Variants in CSMD1 observed in about 807,000 individuals in gnomAD.
CSMD1 encodes CUB and sushi domain-containing protein 1.
A neutral mutation model predicts 417.5 loss-of-function variants in CSMD1; 213 were observed. The ratio of observed to expected loss-of-function variants is 0.51; its 90% CI spans 0.46 to 0.57. The LOEUF (loss-of-function observed/expected upper bound fraction) is 0.57. CSMD1 is among the 20% of genes least tolerant of loss of function. The probability of loss-of-function intolerance (pLI) is 0.00; values close to 1 mark genes in which losing one functional copy is unlikely to be tolerated. For synonymous variants in CSMD1, 2,862 were observed against 1,736.8 expected, an observed-to-expected ratio of 1.65 and a Z score of -16.11; for missense variants, 6,923 against 4,529.7, an observed-to-expected ratio of 1.53 and a Z score of -15.17.
chr8:3,578,435 G>C (rs984027421), intron 9 of CSMD1, among the ~76,000 whole-genome samples: 3 of 152,156 alleles, frequency 2.0e-5, no homozygotes, highest in Non-Finnish European at 2.9e-5. Flanking sequence ...AATGGGTGTC[G>C]AGAAAATCTC....
intron 2 of CSMD1, among the ~76,000 whole-genome samples, chr8:4,604,762 T>G (rs983923733): frequency 6.6e-6 from 1 of 152,178 alleles, no homozygotes; most frequent in African/African-American, 2.4e-5. Context: ...GCAGTTAATT[T>G]TGTAAAATTT....
intron 2 of CSMD1, among the ~76,000 whole-genome samples, chr8:4,634,660 T>A (rs921700788): frequency 6.6e-6 from 1 of 152,200 alleles, no homozygotes; most frequent in African/African-American, 2.4e-5. Flanking sequence ...TAATTGCGTT[T>A]GAGAAATAAA....
chr8:4,702,256 A>T (rs980865469), intron 1 of CSMD1, among the ~76,000 whole-genome samples: 5 of 152,144 alleles, frequency 3.3e-5, no homozygotes, highest in African/African-American at 1.2e-4. Flanking sequence ...AATAACTTAA[A>T]ATAAAAATAA....
At chr8:3,449,180 A>G (rs1185900197) in intron 12 of CSMD1, among the ~76,000 whole-genome samples, 3 of 152,168 alleles carry the variant, frequency 2.0e-5, no homozygotes, top group Non-Finnish European at 4.4e-5. Flanking sequence ...TGGTGGGGGG[A>G]ATCAGTTCTT....
intron 5 of CSMD1, among the ~76,000 whole-genome samples, chr8:3,874,982 T>C (rs1007921222): frequency 3.3e-5 from 5 of 151,986 alleles, no homozygotes; most frequent in Non-Finnish European, 5.9e-5. Context: ...CCAAGCAGGA[T>C]GGACGTCTGG....
At chr8:3,113,037 G>A (rs769485351) in intron 42 of CSMD1, 1 of 152,234 alleles carries the variant, frequency 6.6e-6, no homozygotes, top group African/African-American at 2.4e-5. Context: ...GTCTCACTGA[G>A]CTCCGCAGAG....
chr8:3,712,161 C>G (rs147704759), intron 6 of CSMD1, among the ~76,000 whole-genome samples: 1 of 29,432 alleles, frequency 3.4e-5, no homozygotes, highest in Non-Finnish European at 8.6e-5. Context: ...TTTCAAGTTA[C>G]TACGTTCTCT....
At chr8:3,919,249 A>T (rs552495081) in intron 5 of CSMD1, among the ~76,000 whole-genome samples, 2 of 151,278 alleles carry the variant, frequency 1.3e-5, no homozygotes, top group South Asian at 4.2e-4. Flanking sequence ...AAGGATTTTT[A>T]AAAAATGTTT....
At chr8:4,454,183 C>A (rs887735056) in intron 2 of CSMD1, among the ~76,000 whole-genome samples, 1 of 152,014 alleles carries the variant, frequency 6.6e-6, no homozygotes, top group Non-Finnish European at 1.5e-5. Flanking sequence ...CAGTTCCTAC[C>A]CCATTCTGCA....
intron 1 of CSMD1, among the ~76,000 whole-genome samples, chr8:4,913,788 C>T (rs1805860656): frequency 6.6e-6 from 1 of 152,164 alleles, no homozygotes; most frequent in Admixed American, 6.5e-5. Flanking sequence ...TGCCAAATTG[C>T]ACGCCAACCT....
At chr8:4,740,984 A>G (rs560516778) in intron 1 of CSMD1, among the ~76,000 whole-genome samples, 1 of 152,326 alleles carries the variant, frequency 6.6e-6, no homozygotes, top group East Asian at 1.9e-4. Flanking sequence ...AATAAAAATT[A>G]ACAGGAAGAC....
chr8:4,147,964 G>A (rs145047043), intron 3 of CSMD1, among the ~76,000 whole-genome samples: 6 of 152,208 alleles, frequency 3.9e-5, no homozygotes, highest in African/African-American at 7.2e-5. Flanking sequence ...CACAGAAGAT[G>A]CACCAAAGCC....
chr8:4,027,375 C>T (rs976983166), intron 4 of CSMD1, among the ~76,000 whole-genome samples: 3 of 152,144 alleles, frequency 2.0e-5, no homozygotes, highest in Non-Finnish European at 4.4e-5. Flanking sequence ...AACCTAAATT[C>T]TAATCCCCTA....
intron 47 of CSMD1, among the ~76,000 whole-genome samples, chr8:3,093,041 AT>A (rs1252723495): frequency 6.6e-6 from 1 of 152,110 alleles, no homozygotes; most frequent in South Asian, 2.1e-4. Flanking sequence ...AGTTCTCATG[AT>A]TTTTTTCAAG....
chr8:3,965,887 G>C (rs966707152), intron 5 of CSMD1, among the ~76,000 whole-genome samples: 1 of 152,146 alleles, frequency 6.6e-6, no homozygotes, highest in African/African-American at 2.4e-5. Context: ...GAAGTGCTAG[G>C]ACTACAGGTA....
chr8:3,540,748 G>C (rs1004625901), intron 10 of CSMD1, among the ~76,000 whole-genome samples: 1 of 152,088 alleles, frequency 6.6e-6, no homozygotes, highest in Non-Finnish European at 1.5e-5. Flanking sequence ...CTTCTCAAAA[G>C]AAGACATCCA....
At chr8:3,793,648 G>A (rs1799874794) in intron 5 of CSMD1, among the ~76,000 whole-genome samples, 1 of 152,054 alleles carries the variant, frequency 6.6e-6, no homozygotes, top group Non-Finnish European at 1.5e-5. Flanking sequence ...CAATTGCTTG[G>A]ATGATCTCTC....
In CSMD1 at chr8:3,477,430, C is replaced by G. The variant is rs539720397; in HGVS notation, c.1449-8606G>C. 5.3e-5 allele frequency among the ~76,000 whole-genome samples: 8 copies of G among 152,294 alleles called. No homozygotes were observed. In the South Asian group the frequency reaches 8.3e-4, roughly 16 times the overall value. ...TCAGAATGTGGAGAAAGCAGAGTTA[C>G]TTAATTGTATGATTTAAGTGACTAC... On this transcript the variant is annotated intron_variant, in intron 11 of 69. Coordinates refer to ENST00000635120, the MANE Select transcript of CSMD1 (RefSeq NM_033225.6).
At chr8:3,433,894 T>C (rs1814385839) in intron 12 of CSMD1, among the ~76,000 whole-genome samples, 1 of 152,198 alleles carries the variant, frequency 6.6e-6, no homozygotes, top group Non-Finnish European at 1.5e-5. Context: ...TTAAGTCAGC[T>C]AGAAAGTTCC....
Sources: gnomAD v4.1 joint callset for allele counts (sites outside exome capture counted in the v4.1 genomes callset) on GRCh38, gnomAD v4.1.1 for gene constraint, MANE v1.5 for transcripts, NCBI Gene and HGNC (gene_info 2026-07-23, HGNC 2026-07-21) for gene names.